VSTM4: variants seen among roughly 807,000 people sequenced by gnomAD.
The protein encoded by VSTM4 is V-set and transmembrane domain containing 4, also known as V-set and transmembrane domain-containing protein 4.
VSTM4 carries 20 observed loss-of-function variants against 36.4 expected under a neutral mutation model. That is an observed-to-expected ratio of 0.55 (90% CI 0.39 to 0.80). The LOEUF (loss-of-function observed/expected upper bound fraction) is 0.80. Ranked by LOEUF, VSTM4 falls within the 30% of genes least tolerant of loss-of-function variation. The pLI is 0.00. For missense variants in VSTM4, 392 were observed against 404.5 expected (o/e 0.97, Z 0.26); for synonymous variants, 182 against 173.9 (o/e 1.05, Z -0.37).
At chr10:49,042,408 A>G (rs1013041850) in intron 7 of VSTM4, among the ~76,000 whole-genome samples, 10 of 152,156 alleles carry the variant, frequency 6.6e-5, no homozygotes, top group Non-Finnish European at 1.3e-4. Context: ...GCAAAAGAAG[A>G]CTCTTTAAAA....
intron 7 of VSTM4, among the ~76,000 whole-genome samples, chr10:49,045,605 C>A (rs757689289): frequency 2.6e-5 from 4 of 152,144 alleles, no homozygotes; most frequent in Admixed American, 6.5e-5. Context: ...GACATGCCTC[C>A]CTTCTGGAGG....
chr10:49,095,380 A>G (rs1006639069), intron 2 of VSTM4, among the ~76,000 whole-genome samples: 2 of 152,074 alleles, frequency 1.3e-5, no homozygotes, highest in Non-Finnish European at 2.9e-5. Flanking sequence ...TTCTGTGTAC[A>G]TGCACCACAT....
At chr10:49,060,216 T>C (rs561536218) in intron 5 of VSTM4, among the ~76,000 whole-genome samples, 1 of 152,352 alleles carries the variant, frequency 6.6e-6, no homozygotes, top group African/African-American at 2.4e-5. Context: ...TTCTCTTGGA[T>C]AGATTCCTAT....
intron 6 of VSTM4, 148 bp downstream of exon 6, chr10:49,048,330 G>C (rs1843645318): frequency 1.3e-5 from 9 of 685,332 alleles, no homozygotes; most frequent in Middle Eastern, 4.1e-4. Flanking sequence ...CCAGAATCTA[G>C]GTGGGGGTCC....
Position 49,115,426 on chromosome 10 carries a change from CT to C in VSTM4, c.55+4del. The C allele has an allele frequency of 9.6e-7, 1 of 1,041,324 alleles. No individual in the cohort carries two copies. The highest frequency in any genetic ancestry group is 1.2e-6 in the Non-Finnish European group (1 of 862,810). The allele number at this position is 1,041,324 out of a possible 1,614,324, so 64.5% of individuals were successfully genotyped here. A position where few individuals can be genotyped will look rare whatever the true frequency, so the allele number is the denominator to read the frequency against. On this transcript the variant is annotated splice_donor_region_variant and intron_variant, in intron 1 of 7. Transcript: ENST00000332853. Reference sequence around the variant, plus strand: ...CCCGCTCCCGCCTGGCCCCGCCGCGCTTACCCGGAGCCGGAGCCCGCGCCAG... The same window carrying C: ...CCCGCTCCCGCCTGGCCCCGCCGCGCTACCCGGAGCCGGAGCCCGCGCCAG...
chr10:49,096,309 A>G (rs935199636), intron 2 of VSTM4, among the ~76,000 whole-genome samples: 11 of 152,182 alleles, frequency 7.2e-5, no homozygotes, highest in Non-Finnish European at 1.6e-4. Flanking sequence ...TTATAATTTC[A>G]TCTTTGCCCC....
At chr10:49,089,192 G>A (rs912114372) in intron 2 of VSTM4, among the ~76,000 whole-genome samples, 48 of 152,160 alleles carry the variant, frequency 3.2e-4, no homozygotes, top group African/African-American at 1.1e-3. Flanking sequence ...GTAGATGCAG[G>A]GGTTAAAGGG....
intron 5 of VSTM4, among the ~76,000 whole-genome samples, chr10:49,050,554 T>C (rs1202965575): frequency 6.6e-6 from 1 of 152,184 alleles, no homozygotes; most frequent in Non-Finnish European, 1.5e-5. Flanking sequence ...ACGGAGATTC[T>C]AACTGGTCAT....
intron 3 of VSTM4, among the ~76,000 whole-genome samples, chr10:49,081,292 C>T (rs557806230): frequency 9.8e-5 from 15 of 152,328 alleles, no homozygotes; most frequent in African/African-American, 3.6e-4. Flanking sequence ...CAGCACCTGC[C>T]TGGAAGGGAC....
At chr10:49,113,732 C>A (rs1293003565) in intron 1 of VSTM4, among the ~76,000 whole-genome samples, 1 of 152,180 alleles carries the variant, frequency 6.6e-6, no homozygotes, top group Non-Finnish European at 1.5e-5. Flanking sequence ...CAGAAAAGTA[C>A]AGCAGTTAAG....
In VSTM4 at chr10:49,107,931, C is replaced by T. The variant is rs757971746; in HGVS notation, c.120G>A (p.Glu40=). The stretch of plus-strand genomic sequence containing the variant: ...AGACGTGGCAGAGGAGAGTGGCATT[C>T]TCCCCCTCCAGGTAGTCAACCACGG... ...PGPVVDYLEG[E]NATLLCHVSQ... Residue 40 remains glutamate (E), a synonymous_variant, in exon 2 of 8, where the codon GAG becomes GAA. Coordinates refer to ENST00000332853, the MANE Select transcript of VSTM4 (RefSeq NM_001031746.5). The T allele has an allele frequency of 3.7e-6, 6 of 1,612,636 alleles. No individual in the cohort carries two copies. Among genetic ancestry groups the T allele is most frequent in the Non-Finnish European group, 5.1e-6 (6 of 1,179,330 alleles).
chr10:49,077,023 T>C (rs1002444041), intron 4 of VSTM4, among the ~76,000 whole-genome samples, 196 bp downstream of exon 4: 1 of 152,142 alleles, frequency 6.6e-6, no homozygotes, highest in African/African-American at 2.4e-5. Context: ...AATTCAGTGA[T>C]GTCAATGATG....
intron 5 of VSTM4, among the ~76,000 whole-genome samples, chr10:49,062,200 TC>T (rs1338190651): frequency 6.6e-6 from 1 of 152,214 alleles, no homozygotes; most frequent in African/African-American, 2.4e-5. Context: ...TTTATTTAAA[TC>T]CTCAAATGTG....
chr10:49,055,169 A>G (rs1564575710), intron 5 of VSTM4, among the ~76,000 whole-genome samples: 1 of 152,160 alleles, frequency 6.6e-6, no homozygotes, highest in Non-Finnish European at 1.5e-5. Flanking sequence ...GAGCTAATGG[A>G]GCTGTGTTGG....
intron 4 of VSTM4, 34 bp from the exon 5 acceptor site, chr10:49,064,770 C>G (rs1183008123): frequency 6.2e-7 from 1 of 1,603,352 alleles, no homozygotes; most frequent in Non-Finnish European, 8.5e-7. Context: ...GATGGTAAAC[C>G]AATGCTACTT....
At position 49,093,351 on chromosome 10, in the gene VSTM4, G is replaced by A. The variant is rs552606500; in HGVS notation, c.458-7328C>T. Among the ~76,000 whole-genome samples the A allele has an allele frequency of 3.3e-5, 5 of 152,244 alleles. No homozygotes were observed. In the South Asian group the frequency reaches 6.2e-4, roughly 19 times the overall value. On this transcript the variant is annotated intron_variant, in intron 2 of 7. Transcript: ENST00000332853. ...CAAAGAAGCCAGCCACACCCCTATC[G>A]CATGCACTGGTAGGGGGACAAGGGA...
intron 2 of VSTM4, among the ~76,000 whole-genome samples, chr10:49,105,121 T>C (rs561379251): frequency 2.9e-3 from 202 of 69,260 alleles, no homozygotes; most frequent in Non-Finnish European, 5.2e-3. Context: ...CAGAGAGAGA[T>C]GGAAAGACAG....
At position 49,107,554 on chromosome 10, in the gene VSTM4, C is replaced by A. The variant is rs763289706; in HGVS notation, c.457+40G>T. ...CTGCAAAGGGGGGCCTACTGGCCTG[C>A]CCCACCACCACCTCTACCCAGGGAG... On this transcript the variant is annotated intron_variant, in intron 2 of 7. Transcript: ENST00000332853. 2.6e-6 allele frequency: 4 copies of A among 1,560,870 alleles called. No individual in the cohort carries two copies. The Admixed American group carries it at 7.2e-5, about 28-fold the overall frequency.
chr10:49,099,978 T>C (rs1036528271), intron 2 of VSTM4, among the ~76,000 whole-genome samples: 1 of 151,712 alleles, frequency 6.6e-6, no homozygotes, highest in African/African-American at 2.4e-5. Flanking sequence ...ATCATGCCAC[T>C]GCACTCCAGT....
Sources: gnomAD v4.1 joint callset for allele counts (sites outside exome capture counted in the v4.1 genomes callset) on GRCh38, gnomAD v4.1.1 for gene constraint, MANE v1.5 for transcripts, NCBI Gene and HGNC (gene_info 2026-07-23, HGNC 2026-07-21) for gene names.